Variants in MACO1 observed in about 807,000 individuals in gnomAD.
MACO1 encodes the protein macoilin 1.
A neutral mutation model predicts 78.7 loss-of-function variants in MACO1; 14 were observed. The observed-to-expected ratio is 0.18, with a 90% CI of 0.12 to 0.28. The LOEUF (loss-of-function observed/expected upper bound fraction) is 0.28, where lower values mean the gene tolerates loss of function less well. Ranked by LOEUF, MACO1 falls within the 10% of genes least tolerant of loss-of-function variation. The probability of loss-of-function intolerance (pLI) is 1.00; values close to 1 mark genes in which losing one functional copy is unlikely to be tolerated. For synonymous variants in MACO1, 288 were observed against 291.6 expected (o/e 0.99, Z 0.12); for missense variants, 501 against 799.0 (o/e 0.63, Z 4.50).
At chr1:25,495,516 C>T (rs1462240554) in intron 10 of MACO1, among the ~76,000 whole-genome samples, 1 of 152,158 alleles carries the variant, frequency 6.6e-6, no homozygotes, top group Non-Finnish European at 1.5e-5. Flanking sequence ...GGGGCAGTTC[C>T]TTTCTACTGC....
At position 25,496,176 on chromosome 1, in the gene MACO1, G is replaced by A. The variant is rs192444363; in HGVS notation, c.1793-2088G>A. Among the ~76,000 whole-genome samples, 28 of 144,308 alleles carry A rather than the reference G, an allele frequency of 1.9e-4. No homozygotes were observed. In the East Asian group the frequency reaches 5.1e-3, roughly 26 times the overall value. The allele number at this position is 144,308 out of a possible 152,430, so 94.7% of individuals were successfully genotyped here. A position where few individuals can be genotyped will look rare whatever the true frequency, so the allele number is the denominator to read the frequency against. ...TCTTTTTCTTTTTTTTTTTGAGACAGGGTCTCTGTCGCCCAGGCTGGAGTA... is the reference window on the plus strand; with the variant it reads ...TCTTTTTCTTTTTTTTTTTGAGACAAGGTCTCTGTCGCCCAGGCTGGAGTA... On this transcript the variant is annotated intron_variant, in intron 10 of 10. Coordinates refer to ENST00000374343, the MANE Select transcript of MACO1 (RefSeq NM_018202.6).
At chr1:25,435,239 CT>C (rs1479078706) in intron 1 of MACO1, among the ~76,000 whole-genome samples, 2 of 152,066 alleles carry the variant, frequency 1.3e-5, no homozygotes, top group Non-Finnish European at 2.9e-5. Flanking sequence ...TCTTCATGTA[CT>C]GGATTCTGCT....
chr1:25,439,657 C>A, intron 1 of MACO1, among the ~76,000 whole-genome samples: 1 of 151,408 alleles, frequency 6.6e-6, no homozygotes. Context: ...TTAAGGCTCA[C>A]ACACAAATTT....
At chr1:25,440,230 C>CAAAAA (rs35841483) in intron 1 of MACO1, among the ~76,000 whole-genome samples, 2 of 95,888 alleles carry the variant, frequency 2.1e-5, no homozygotes, top group Non-Finnish European at 4.1e-5. Context: ...CCCATCTCTA[C>CAAAAA]AAAAAAAAAA....
intron 3 of MACO1, among the ~76,000 whole-genome samples, chr1:25,453,458 T>G (rs1180341950): frequency 6.6e-6 from 1 of 151,046 alleles, no homozygotes; most frequent in Non-Finnish European, 1.5e-5. Context: ...GGTCAGCAGA[T>G]GGAGACCATC....
At chr1:25,433,432 T>C (rs1254754402) in intron 1 of MACO1, among the ~76,000 whole-genome samples, 1 of 152,218 alleles carries the variant, frequency 6.6e-6, no homozygotes, top group East Asian at 1.9e-4. Flanking sequence ...TAAGTTGTTT[T>C]TCACACCATC....
At chr1:25,453,927 G>A (rs1283672661) in intron 3 of MACO1, among the ~76,000 whole-genome samples, 1 of 151,828 alleles carries the variant, frequency 6.6e-6, no homozygotes, top group Non-Finnish European at 1.5e-5. Flanking sequence ...ATGTTTTTTA[G>A]CCATCTGTAT....
chr1:25,492,585 A>G (rs1274588844), intron 10 of MACO1, among the ~76,000 whole-genome samples: 1 of 152,110 alleles, frequency 6.6e-6, no homozygotes, highest in Non-Finnish European at 1.5e-5. Context: ...GAGAGTTGTC[A>G]GAGCAGACAG....
At chr1:25,456,426 G>C (rs563114750) in intron 4 of MACO1, among the ~76,000 whole-genome samples, 1 of 152,168 alleles carries the variant, frequency 6.6e-6, no homozygotes, top group Non-Finnish European at 1.5e-5. Flanking sequence ...GTCGTCTTAC[G>C]GTCTAGCAGT....
intron 1 of MACO1, among the ~76,000 whole-genome samples, chr1:25,440,407 A>G (rs577395452): frequency 0.033 from 4,626 of 139,566 alleles, 75 homozygotes; most frequent in Non-Finnish European, 0.042. Context: ...AGTTCTGGGA[A>G]AAAAAAAAAA....
chr1:25,470,928 T>C (rs780571456), intron 6 of MACO1, among the ~76,000 whole-genome samples: 1 of 152,078 alleles, frequency 6.6e-6, no homozygotes, highest in Non-Finnish European at 1.5e-5. Context: ...CTCAGGAGGC[T>C]GAGGCACGAG....
In MACO1 at chr1:25,491,568, G is replaced by C; in HGVS notation, c.1776G>C (p.Gln592His). Residue 592 changes from glutamine (Q) to histidine (H), a missense_variant, in exon 10 of 11, where the codon CAG becomes CAC. By Grantham distance (24) the Gln-to-His change is conservative (BLOSUM62 0). Transcript: ENST00000374343. The stretch of plus-strand genomic sequence containing the variant: ...CCGCACTGGGCGATGCAAAGCGGCA[G>C]CTCGAGATTGCCCAAGGTAGGAGAA... The part of the protein sequence containing the change: ...LFSALGDAKR[Q>H]LEIAQGQILQ... 1 of 1,614,180 alleles carries C rather than the reference G, an allele frequency of 6.2e-7. No homozygotes were observed. The highest frequency in any genetic ancestry group is 8.5e-7 in the Non-Finnish European group (1 of 1,180,002).
At chr1:25,440,589 T>G (rs1013701998) in intron 1 of MACO1, among the ~76,000 whole-genome samples, 3 of 151,446 alleles carry the variant, frequency 2.0e-5, no homozygotes, top group Non-Finnish European at 4.4e-5. Context: ...GTCAACATGG[T>G]GAAACCCCAT....
At chr1:25,431,219 G>T in intron 1 of MACO1, 41 bp downstream of exon 1, 1 of 1,520,580 alleles carries the variant, frequency 6.6e-7, no homozygotes, top group Non-Finnish European at 8.9e-7. Context: ...CGGGCCCTGC[G>T]GTCCCCCTCC....
intron 10 of MACO1, 72 bp from the exon 11 acceptor site, chr1:25,498,192 G>A (rs2043554446): frequency 6.6e-7 from 1 of 1,513,560 alleles, no homozygotes; most frequent in Non-Finnish European, 9.1e-7. Context: ...ATCTACTTAG[G>A]GATTGGCCCC....
chr1:25,449,653 T>C (rs1314504429), intron 3 of MACO1, among the ~76,000 whole-genome samples: 2 of 152,152 alleles, frequency 1.3e-5, no homozygotes, highest in African/African-American at 4.8e-5. Flanking sequence ...AAGCCACAGC[T>C]TGCTGATTTC....
chr1:25,473,423 G>A (rs2043292101), intron 6 of MACO1, among the ~76,000 whole-genome samples: 3 of 152,116 alleles, frequency 2.0e-5, no homozygotes, highest in Admixed American at 2.0e-4. Context: ...GGTGATTATG[G>A]TGTATGGATA....
chr1:25,450,908 A>G (rs766660666), intron 3 of MACO1, among the ~76,000 whole-genome samples: 1 of 152,172 alleles, frequency 6.6e-6, no homozygotes, highest in Non-Finnish European at 1.5e-5. Flanking sequence ...TCCACCTCAA[A>G]TATTCTGTGA....
chr1:25,441,811 G>A (rs957837327), intron 1 of MACO1, among the ~76,000 whole-genome samples: 2 of 152,156 alleles, frequency 1.3e-5, no homozygotes, highest in Non-Finnish European at 2.9e-5. Context: ...ATTGTACTTA[G>A]GTAGGGATCT....
Sources: gnomAD v4.1 joint callset for allele counts (sites outside exome capture counted in the v4.1 genomes callset) on GRCh38, gnomAD v4.1.1 for gene constraint, MANE v1.5 for transcripts, NCBI Gene and HGNC (gene_info 2026-07-23, HGNC 2026-07-21) for gene names.